CUX1: variants seen among roughly 807,000 people sequenced by gnomAD.
The protein encoded by CUX1 is cut like homeobox 1.
In CUX1, 31 loss-of-function variants were observed where a neutral mutation model predicts 158.8. The ratio of observed to expected loss-of-function variants is 0.20; its 90% confidence interval spans 0.15 to 0.26. CUX1 has a LOEUF of 0.26. CUX1 is among the 10% of genes least tolerant of loss of function. CUX1 has a pLI of 1.00. For missense variants in CUX1, 1,589 were observed against 2,014.6 expected (o/e 0.79, Z 4.04); for synonymous variants, 879 against 862.1 (o/e 1.02, Z -0.34).
At chr7:101,872,142 A>G (rs999742010) in intron 1 of CUX1, among the ~76,000 whole-genome samples, 16 of 151,696 alleles carry the variant, frequency 1.1e-4, no homozygotes, top group African/African-American at 2.2e-4. Context: ...TTATTTGTTT[A>G]TTTATTTTTG....
rs782792444 is a variant in CUX1 at position 102,195,499 on chromosome 7, C to G, written c.1126-8C>G. 3 of 1,609,344 alleles carry G rather than the reference C, an allele frequency of 1.9e-6. No homozygotes were observed. The highest frequency in any genetic ancestry group is 3.3e-5 in the Admixed American group (2 of 59,850). Reference sequence around the variant, plus strand: ...CCCGCAGTGAGACCCCCGCTCTGCCCCTTCTAGGATGCGGCCAAGCCCCTG... The same window carrying G: ...CCCGCAGTGAGACCCCCGCTCTGCCGCTTCTAGGATGCGGCCAAGCCCCTG... On this transcript the variant is annotated splice_polypyrimidine_tract_variant and splice_region_variant and intron_variant, in intron 13 of 23. Transcript: ENST00000292535.
intron 2 of CUX1, among the ~76,000 whole-genome samples, chr7:102,025,351 G>T (rs1819875536): frequency 6.9e-6 from 1 of 145,870 alleles, no homozygotes; most frequent in Non-Finnish European, 1.5e-5. Flanking sequence ...TGGTGGCCAG[G>T]CATGGTGGCT....
At chr7:101,918,087 A>G (rs1224035646) in intron 2 of CUX1, among the ~76,000 whole-genome samples, 1 of 152,240 alleles carries the variant, frequency 6.6e-6, no homozygotes, top group African/African-American at 2.4e-5. Flanking sequence ...CGGACAATAA[A>G]TACACGAGTG....
chr7:102,083,605 T>C (rs1331771644), intron 4 of CUX1, among the ~76,000 whole-genome samples: 1 of 147,282 alleles, frequency 6.8e-6, no homozygotes, highest in Non-Finnish European at 1.5e-5. Flanking sequence ...CGTGCCTGGC[T>C]TCTGTATACG....
intron 3 of CUX1, among the ~76,000 whole-genome samples, chr7:102,040,096 A>G (rs542874120): frequency 6.6e-6 from 1 of 152,282 alleles, no homozygotes; most frequent in South Asian, 2.1e-4. Flanking sequence ...GTTGCTAAAG[A>G]TGTCTCATTG....
At chr7:101,942,514 G>A (rs1807841579) in intron 2 of CUX1, among the ~76,000 whole-genome samples, 1 of 152,186 alleles carries the variant, frequency 6.6e-6, no homozygotes, top group Non-Finnish European at 1.5e-5. Flanking sequence ...CCAGGCTGGA[G>A]TGCAGTGGTG....
At chr7:102,182,169 G>T (rs1022924674) in intron 11 of CUX1, among the ~76,000 whole-genome samples, 2 of 152,190 alleles carry the variant, frequency 1.3e-5, no homozygotes, top group African/African-American at 4.8e-5. Flanking sequence ...GGAGTTGCAG[G>T]TGGTTTTCCC....
intron 2 of CUX1, among the ~76,000 whole-genome samples, chr7:101,998,210 T>G (rs1585220721): frequency 6.6e-6 from 1 of 151,822 alleles, no homozygotes; most frequent in Non-Finnish European, 1.5e-5. Context: ...GTGTGCAGTG[T>G]GGATTGCAGG....
intron 2 of CUX1, among the ~76,000 whole-genome samples, chr7:101,976,900 ATTTTTTTTTTTTTTT>A (rs10643207): frequency 5.1e-5 from 2 of 39,462 alleles, no homozygotes; most frequent in African/African-American, 1.1e-4. Flanking sequence ...TCCCTTTCTG[ATTTTTTTTTTTTTTT>A]TTTTTTTTTT....
At chr7:102,156,242 A>G (rs781861094) in intron 8 of CUX1, among the ~76,000 whole-genome samples, 1 of 152,148 alleles carries the variant, frequency 6.6e-6, no homozygotes, top group Non-Finnish European at 1.5e-5. Context: ...GCTGCAACAG[A>G]ACACCTGAGG....
At chr7:102,086,174 G>T (rs1220208403) in intron 4 of CUX1, among the ~76,000 whole-genome samples, 7 of 151,060 alleles carry the variant, frequency 4.6e-5, no homozygotes, top group Non-Finnish European at 5.9e-5. Context: ...TCCTTGATTA[G>T]TCTGGCTAGA....
intron 11 of CUX1, chr7:102,188,741 C>T (rs895376949): frequency 3.4e-5 from 5 of 145,838 alleles, no homozygotes; most frequent in African/African-American, 1.0e-4. Flanking sequence ...ACTTGGGAGG[C>T]GGAGGTTGCA....
chr7:101,901,746 G>T lies in CUX1; in HGVS notation c.31-14369G>T, dbSNP rs115062984. 1.0e-2 allele frequency among the ~76,000 whole-genome samples: 1,518 copies of T among 152,338 alleles called. 23 individuals carry two copies. Among genetic ancestry groups the T allele is most frequent in the African/African-American group, 0.035 (1,453 of 41,574 alleles). On this transcript the variant is annotated intron_variant, in intron 1 of 23. Coordinates refer to ENST00000292535, the MANE Select transcript of CUX1 (RefSeq NM_181552.4). Reference sequence around the variant, plus strand: ...TCCCCAGCAGCCCGTGTCTGCCCGGGCAGATGTTAGTGGCTGAGAAACCCC... The same window carrying T: ...TCCCCAGCAGCCCGTGTCTGCCCGGTCAGATGTTAGTGGCTGAGAAACCCC...
chr7:102,241,542 C>T (rs1333597422), intron 23 of CUX1, among the ~76,000 whole-genome samples: 1 of 152,144 alleles, frequency 6.6e-6, no homozygotes, highest in Non-Finnish European at 1.5e-5. Context: ...TGTCTCTCAC[C>T]GGGCCCTCCC....
At chr7:102,104,520 A>C in intron 6 of CUX1, 61 bp downstream of exon 6, 1 of 1,583,156 alleles carries the variant, frequency 6.3e-7, no homozygotes, top group Non-Finnish European at 8.6e-7. Flanking sequence ...ACTTCACATC[A>C]TCAGACATGT....
intron 9 of CUX1, among the ~76,000 whole-genome samples, chr7:102,164,955 G>A (rs1197494869): frequency 6.6e-6 from 1 of 152,010 alleles, no homozygotes; most frequent in Non-Finnish European, 1.5e-5. Context: ...TATAAAACCA[G>A]GGACTTCAAA....
At chr7:101,846,697 C>T (rs1340553820) in intron 1 of CUX1, among the ~76,000 whole-genome samples, 2 of 152,168 alleles carry the variant, frequency 1.3e-5, no homozygotes, top group Non-Finnish European at 1.5e-5. Flanking sequence ...TACATTAAAA[C>T]AGCAAATTGG....
At position 102,254,665 on chromosome 7, in the gene CUX1, G is replaced by T. The variant is rs2529115; in HGVS notation, c.*5623G>T. Reference sequence around the variant, plus strand: ...ACCAGCCAAAGCTCACATTTAGAAAGCCCTCAGTGCTTCTGTGGTTTCACC... The same window carrying T: ...ACCAGCCAAAGCTCACATTTAGAAATCCCTCAGTGCTTCTGTGGTTTCACC... On this transcript the variant is annotated 3_prime_UTR_variant, in exon 24 of 24. Transcript: ENST00000292535. The T allele has an allele frequency of 0.94, 926,354 of 985,310 alleles. 435,726 individuals are homozygous for T. The highest frequency in any genetic ancestry group is 0.98 in the East Asian group (8,604 of 8,792). The allele number at this position is 985,310 out of a possible 1,614,324, so 61.0% of individuals were successfully genotyped here.
chr7:102,219,348 A>T (rs1239248479), intron 20 of CUX1, among the ~76,000 whole-genome samples: 2 of 151,964 alleles, frequency 1.3e-5, no homozygotes, highest in Non-Finnish European at 2.9e-5. Flanking sequence ...CCTCTGAGGC[A>T]TCTTCCCTCC....
Sources: gnomAD v4.1 joint callset for allele counts (sites outside exome capture counted in the v4.1 genomes callset) on GRCh38, gnomAD v4.1.1 for gene constraint, MANE v1.5 for transcripts, NCBI Gene and HGNC (gene_info 2026-07-23, HGNC 2026-07-21) for gene names.